The following ZFHX3 variants were observed in gnomAD, a reference collection of about 807,000 sequenced individuals.
ZFHX3 encodes the protein zinc finger homeobox protein 3.
In ZFHX3, 42 loss-of-function variants were observed where a neutral mutation model predicts 279.1. That is an observed-to-expected ratio of 0.15 (90% CI 0.12 to 0.19). ZFHX3 has a LOEUF of 0.19. Among genes scored for constraint, ZFHX3 ranks in the 10% least tolerant of loss-of-function variants. The pLI is 1.00. For synonymous variants in ZFHX3, 2,293 were observed against 1,957.8 expected (o/e 1.17, Z -4.52); for missense variants, 4,981 against 4,754.0 (o/e 1.05, Z -1.40).
At chr16:73,639,591 G>A (rs1186040413) in intron 2 of ZFHX3, among the ~76,000 whole-genome samples, 1 of 151,994 alleles carries the variant, frequency 6.6e-6, no homozygotes, top group Non-Finnish European at 1.5e-5. Context: ...TGAAAAATGA[G>A]GATTTTTCTT....
chr16:73,526,754 A>C (rs529584130), intron 2 of ZFHX3, among the ~76,000 whole-genome samples: 1 of 152,288 alleles, frequency 6.6e-6, no homozygotes, highest in African/African-American at 2.4e-5. Flanking sequence ...CTAATAATCT[A>C]GCAATTGCTC....
At chr16:72,877,533 C>T (rs550130375) in intron 4 of ZFHX3, among the ~76,000 whole-genome samples, 27 of 152,328 alleles carry the variant, frequency 1.8e-4, no homozygotes, top group Middle Eastern at 6.8e-3. Flanking sequence ...ATAGCACACA[C>T]CCTGAGCACA....
intron 2 of ZFHX3, among the ~76,000 whole-genome samples, chr16:73,549,867 A>ATT: frequency 7.0e-6 from 1 of 142,142 alleles, no homozygotes; most frequent in African/African-American, 2.6e-5. Context: ...ATAGAGACTG[A>ATT]TTTTTTTTTT....
chr16:73,617,407 C>A (rs1212754895), intron 2 of ZFHX3, among the ~76,000 whole-genome samples: 1 of 152,216 alleles, frequency 6.6e-6, no homozygotes, highest in Non-Finnish European at 1.5e-5. Context: ...CGTGCAGGTA[C>A]ATAGGTACCT....
intron 5 of ZFHX3, among the ~76,000 whole-genome samples, chr16:73,202,085 G>A (rs1324376637): frequency 1.3e-5 from 2 of 152,048 alleles, no homozygotes; most frequent in African/African-American, 4.8e-5. Context: ...CTTAAAAAAG[G>A]CATTTAAATG....
rs530321131 is a variant in ZFHX3, at chr16:73,122,212, T to G, written c.-897+8756A>C. Among the ~76,000 whole-genome samples the G allele has an allele frequency of 2.6e-5, 4 of 151,750 alleles. No individual in the cohort carries two copies. In the South Asian group the frequency reaches 6.3e-4, roughly 24 times the overall value. On this transcript the variant is annotated intron_variant, in intron 7 of 17. Transcript: ENST00000641206. ...TAAATATAATTTCACATACAACTGC[T>G]CTTTTTTTTTTAAGATGGAGTCTCA...
intron 2 of ZFHX3, among the ~76,000 whole-genome samples, chr16:73,580,081 C>A (rs1233201645): frequency 6.6e-6 from 1 of 150,908 alleles, no homozygotes; most frequent in Non-Finnish European, 1.5e-5. Flanking sequence ...AGCATCCTGT[C>A]TTTAGTATTA....
chr16:72,842,261 AG>A (rs1418452940), intron 4 of ZFHX3, among the ~76,000 whole-genome samples: 1 of 151,318 alleles, frequency 6.6e-6, no homozygotes, highest in Non-Finnish European at 1.5e-5. Flanking sequence ...CCTGTTGCCC[AG>A]GCTGGAGTGC....
At chr16:72,921,224 G>A (rs998992594) in intron 3 of ZFHX3, among the ~76,000 whole-genome samples, 13 of 152,132 alleles carry the variant, frequency 8.5e-5, no homozygotes, top group African/African-American at 3.1e-4. Flanking sequence ...CCTACATCAT[G>A]CTTAGAGAGC....
At chr16:73,818,310 AATAGGATTTCAGCTTGT>A (rs1226707490) in intron 1 of ZFHX3, among the ~76,000 whole-genome samples, 1 of 152,240 alleles carries the variant, frequency 6.6e-6, no homozygotes, top group Non-Finnish European at 1.5e-5. Flanking sequence ...AAAACCTGGC[AATAGGATTTCAGCTTGT>A]ATGGAAGTTT....
chr16:73,182,249 G>C (rs1399977764), intron 5 of ZFHX3, among the ~76,000 whole-genome samples: 3 of 152,182 alleles, frequency 2.0e-5, no homozygotes, highest in Non-Finnish European at 4.4e-5. Flanking sequence ...CTGAGGTTGG[G>C]AGTTCGAGAC....
chr16:73,052,715 A>G (rs1194510011), upstream of ZFHX3, among the ~76,000 whole-genome samples: 1 of 152,238 alleles, frequency 6.6e-6, no homozygotes, highest in Non-Finnish European at 1.5e-5. Context: ...GATGAAAAAA[A>G]GAAGTCTAAA....
chr16:73,079,936 T>TCA lies in ZFHX3; in HGVS notation c.-533+13297_-533+13298dup, dbSNP rs567227481. Among the ~76,000 whole-genome samples the TCA allele has an allele frequency of 2.6e-5, 4 of 152,084 alleles. No individual in the cohort carries two copies. In the South Asian group the frequency reaches 8.3e-4, roughly 32 times the overall value. On this transcript the variant is annotated intron_variant, in intron 8 of 17. Transcript: ENST00000641206. The stretch of plus-strand genomic sequence containing the variant: ...CTGGTCTTAGTGTCACCTTGTGAGG[T>TCA]CACACAGAGCAAGTTTAATTCCCTG...
intron 2 of ZFHX3, among the ~76,000 whole-genome samples, chr16:73,549,671 A>G (rs565167079): frequency 5.4e-4 from 83 of 152,316 alleles, no homozygotes; most frequent in Admixed American, 4.8e-3. Flanking sequence ...TCCTATGCAT[A>G]TGGTTTTGTC....
At chr16:72,790,006 G>C (rs1424920407) in intron 9 of ZFHX3, 6 of 152,300 alleles carry the variant, frequency 3.9e-5, no homozygotes. Context: ...AGGCCCTCAT[G>C]GGCTAGAATC....
chr16:72,986,966 C>A (rs544878778), intron 1 of ZFHX3, among the ~76,000 whole-genome samples: 1 of 152,032 alleles, frequency 6.6e-6, no homozygotes, highest in South Asian at 2.1e-4. Context: ...GGTAACACGA[C>A]GAAAACAAAA....
At chr16:73,632,948 G>A (rs879873388) in intron 2 of ZFHX3, among the ~76,000 whole-genome samples, 11 of 151,950 alleles carry the variant, frequency 7.2e-5, no homozygotes, top group African/African-American at 1.2e-4. Context: ...GTGTGGTGGC[G>A]GGAGCCTGTA....
At chr16:73,851,161 G>A (rs1488440328) in intron 1 of ZFHX3, among the ~76,000 whole-genome samples, 1 of 152,106 alleles carries the variant, frequency 6.6e-6, no homozygotes, top group African/African-American at 2.4e-5. Flanking sequence ...CGAACATAAA[G>A]TACAGAACTC....
At chr16:72,886,770 C>T (rs1185078196) in intron 4 of ZFHX3, among the ~76,000 whole-genome samples, 2 of 152,136 alleles carry the variant, frequency 1.3e-5, no homozygotes, top group Non-Finnish European at 2.9e-5. Flanking sequence ...TGCAGAGCAG[C>T]GGATCAAACA....
Sources: allele counts gnomAD v4.1 joint callset (sites outside exome capture counted in the v4.1 genomes callset), GRCh38; gene constraint gnomAD v4.1.1; transcripts MANE v1.5; gene names NCBI Gene and HGNC (gene_info 2026-07-23, HGNC 2026-07-21).